Variants in NSMCE1 observed in about 807,000 individuals in gnomAD.
NSMCE1 encodes non-structural maintenance of chromosomes element 1 homolog.
In NSMCE1, 18 loss-of-function variants were observed where a neutral mutation model predicts 29.6. That is an observed-to-expected ratio of 0.61 (90% CI 0.42 to 0.90). The LOEUF is 0.90. NSMCE1 is among the 40% of genes least tolerant of loss of function. The pLI is 0.00. For synonymous variants in NSMCE1, 124 were observed against 133.4 expected, an observed-to-expected ratio of 0.93 and a Z score of 0.49; for missense variants, 314 against 343.6, an observed-to-expected ratio of 0.91 and a Z score of 0.68.
intron 2 of NSMCE1, among the ~76,000 whole-genome samples, chr16:27,237,214 T>C (rs1248535097): frequency 2.0e-5 from 3 of 152,152 alleles, no homozygotes; most frequent in African/African-American, 7.2e-5. Flanking sequence ...TGTGGTGAGA[T>C]CGTAACATAT....
chr16:27,259,346 T>G (rs747030064), intron 1 of NSMCE1, among the ~76,000 whole-genome samples: 7 of 152,124 alleles, frequency 4.6e-5, no homozygotes, highest in Non-Finnish European at 7.4e-5. Context: ...CAGCCTGTCA[T>G]CAACTTTATT....
intron 2 of NSMCE1, among the ~76,000 whole-genome samples, chr16:27,236,952 T>TA (rs78040047): frequency 0.017 from 2,526 of 144,844 alleles, 72 homozygotes; most frequent in African/African-American, 0.058. Flanking sequence ...TTCATAAAGT[T>TA]AAAAAAAAAA....
chr16:27,247,791 G>A (rs1401319811), intron 2 of NSMCE1, among the ~76,000 whole-genome samples: 1 of 152,062 alleles, frequency 6.6e-6, no homozygotes, highest in Non-Finnish European at 1.5e-5. Flanking sequence ...GCCGGGCGTG[G>A]TGGCACACAC....
chr16:27,229,140 GA>G (rs2083737574), intron 5 of NSMCE1, among the ~76,000 whole-genome samples: 2 of 152,222 alleles, frequency 1.3e-5, no homozygotes, highest in Admixed American at 1.3e-4. Context: ...TTTGTGCTCA[GA>G]TGGCCCTGGC....
chr16:27,257,663 A>C, intron 1 of NSMCE1, 82 bp from the exon 2 acceptor site: 1 of 1,156,004 alleles, frequency 8.7e-7, no homozygotes, highest in Non-Finnish European at 1.2e-6. Context: ...TTACATTAAC[A>C]AATATAAATT....
intron 2 of NSMCE1, among the ~76,000 whole-genome samples, chr16:27,235,618 G>C (rs1291254312): frequency 1.3e-5 from 2 of 152,168 alleles, no homozygotes; most frequent in South Asian, 4.1e-4. Flanking sequence ...AGCACCTTCA[G>C]CGCATTACTC....
chr16:27,228,278 G>A (rs1458192812), intron 5 of NSMCE1, among the ~76,000 whole-genome samples: 4 of 152,142 alleles, frequency 2.6e-5, no homozygotes, highest in African/African-American at 9.7e-5. Flanking sequence ...GCCGCTGCGG[G>A]AACAGTGGAG....
At chr16:27,257,101 C>A (rs1221981950) in intron 2 of NSMCE1, among the ~76,000 whole-genome samples, 1 of 152,132 alleles carries the variant, frequency 6.6e-6, no homozygotes, top group Non-Finnish European at 1.5e-5. Context: ...TTCCCTGAAC[C>A]ATGCACTTAC....
At position 27,232,949 on chromosome 16, in the gene NSMCE1, C is replaced by A; in HGVS notation, c.483+52G>T. On this transcript the variant is annotated intron_variant, in intron 5 of 7. Transcript: ENST00000361439. The surrounding 1 kb of genome is among the most constrained non-coding windows in gnomAD (Gnocchi z 4.5). The stretch of plus-strand genomic sequence containing the variant: ...TACAAGTACGATTTTGGAGAAAAAA[C>A]TGTTATTCACTTGAAAAAGTGAACC... The A allele has an allele frequency of 6.3e-7, 1 of 1,592,350 alleles. No homozygotes were observed. The highest frequency in any genetic ancestry group is 2.2e-5 in the East Asian group (1 of 44,772).
In NSMCE1 at chr16:27,257,552, T is replaced by C. The variant is rs2084101810; in HGVS notation, c.19A>G (p.Arg7Gly). 5 of 1,613,316 alleles carry C rather than the reference T, an allele frequency of 3.1e-6. No individual in the cohort carries two copies. Among genetic ancestry groups the C allele is most frequent in the Non-Finnish European group, 4.2e-6 (5 of 1,179,664 alleles). ...TGGACATCAGTCATGACGCCCATTC[T>C]CCTTGTGCTGCCCTGCATGTGGGAA... is the stretch of plus-strand genomic sequence containing the variant. MQGSTR[R>G]MGVMTDVHRR... The change falls in exon 2 of 8, where the codon AGA becomes GGA. Residue 7 changes from arginine to glycine, a missense_variant. Arg to Gly is a moderately radical substitution (Grantham distance 125). Transcript: ENST00000361439.
chr16:27,251,220 A>C (rs1490985520), intron 2 of NSMCE1, among the ~76,000 whole-genome samples: 1 of 139,642 alleles, frequency 7.2e-6, no homozygotes, highest in African/African-American at 2.7e-5. Flanking sequence ...AACTCTGTAG[A>C]GTTCAGACTC....
chr16:27,268,290 G>C (rs193122932), intron 1 of NSMCE1: 1 of 152,144 alleles, frequency 6.6e-6, no homozygotes, highest in African/African-American at 2.4e-5. Context: ...GGAGGGCGGC[G>C]GGACAAAGAG....
intron 2 of NSMCE1, among the ~76,000 whole-genome samples, chr16:27,235,980 C>T (rs115508528): frequency 6.6e-6 from 1 of 152,194 alleles, no homozygotes; most frequent in Non-Finnish European, 1.5e-5. Context: ...GGCTGAGACG[C>T]AGAGAGGTGA....
At chr16:27,235,620 G>A (rs1382248931) in intron 2 of NSMCE1, among the ~76,000 whole-genome samples, 2 of 152,270 alleles carry the variant, frequency 1.3e-5, no homozygotes, top group African/African-American at 4.8e-5. Flanking sequence ...CACCTTCAGC[G>A]CATTACTCAA....
At chr16:27,226,191 G>A (rs576406378) in intron 6 of NSMCE1, 5 of 220,614 alleles carry the variant, frequency 2.3e-5, no homozygotes, top group Non-Finnish European at 4.5e-5. Context: ...CAAAAAAAAA[G>A]TGCACTTTGT....
chr16:27,265,756 T>C (rs779325686), intron 1 of NSMCE1, among the ~76,000 whole-genome samples: 1 of 152,216 alleles, frequency 6.6e-6, no homozygotes, highest in Non-Finnish European at 1.5e-5. Context: ...AGAAAGATAA[T>C]GTTAAGTGCA....
At chr16:27,242,619 A>G (rs1044116895) in intron 2 of NSMCE1, among the ~76,000 whole-genome samples, 26 of 152,222 alleles carry the variant, frequency 1.7e-4, no homozygotes, top group Non-Finnish European at 8.8e-5. Flanking sequence ...TCTACCAGTC[A>G]GGACTCCCAC....
intron 4 of NSMCE1, chr16:27,233,909 C>T (rs1343158209): frequency 2.1e-5 from 8 of 388,360 alleles, no homozygotes; most frequent in Admixed American, 4.5e-5. Context: ...CAGGCAGGAA[C>T]GCCTGTTACT....
chr16:27,249,856 T>C (rs892714074), intron 2 of NSMCE1, among the ~76,000 whole-genome samples: 6 of 152,248 alleles, frequency 3.9e-5, no homozygotes, highest in East Asian at 1.9e-4. Flanking sequence ...TTGGGGAGAA[T>C]TGATACCTTA....
Sources: allele counts gnomAD v4.1 joint callset (sites outside exome capture counted in the v4.1 genomes callset), GRCh38; gene constraint gnomAD v4.1.1; non-coding constraint Gnocchi (gnomAD v3.1); transcripts MANE v1.5; gene names NCBI Gene and HGNC (gene_info 2026-07-23, HGNC 2026-07-21).